The following PI4KB variants were observed in gnomAD, a reference collection of about 807,000 sequenced individuals.
PI4KB encodes the protein PtdIns 4-kinase beta.
A neutral mutation model predicts 81.4 loss-of-function variants in PI4KB; 23 were observed. The ratio of observed to expected loss-of-function variants is 0.28; its 90% confidence interval spans 0.20 to 0.40. The LOEUF (loss-of-function observed/expected upper bound fraction) is 0.40, where lower values mean the gene tolerates loss of function less well. Among genes scored for constraint, PI4KB ranks in the 10% least tolerant of loss-of-function variants. The pLI, the probability that PI4KB is intolerant of heterozygous loss-of-function variation, is 1.00. For synonymous variants in PI4KB, 381 were observed against 406.8 expected (o/e 0.94, Z 0.76); for missense variants, 651 against 1,036.6 (o/e 0.63, Z 5.11).
chr1:151,292,825 C>T lies in PI4KB; in HGVS notation c.*27G>A. ...CCTCTAGGGAGGGTGCCCTGGACCC[C>T]CCACCACTCCTGGGCTGAGGAGCGT... On this transcript the variant is annotated 3_prime_UTR_variant, in exon 12 of 12. Coordinates refer to ENST00000368873, the MANE Select transcript of PI4KB (RefSeq NM_001369623.2). 2 of 1,607,662 alleles carry T rather than the reference C, an allele frequency of 1.2e-6. No homozygotes were observed. The highest frequency in any genetic ancestry group is 1.7e-6 in the Non-Finnish European group (2 of 1,175,756).
intron 1 of PI4KB, among the ~76,000 whole-genome samples, chr1:151,317,025 C>A (rs982943509): frequency 6.6e-6 from 1 of 152,108 alleles, no homozygotes; most frequent in Non-Finnish European, 1.5e-5. Context: ...CACGGTTTCA[C>A]CATGTTAGCC....
intron 2 of PI4KB, among the ~76,000 whole-genome samples, chr1:151,312,300 A>G (rs1037494346): frequency 3.9e-5 from 6 of 152,196 alleles, no homozygotes; most frequent in Non-Finnish European, 7.3e-5. Flanking sequence ...TACTGGTGGT[A>G]GGAGCATAGT....
rs1002313479 is a variant in PI4KB at position 151,296,318 on chromosome 1, GGCAGGGTGGAATGAGC to G, written c.2016-1793_2016-1778del. On this transcript the variant is annotated intron_variant, in intron 9 of 11. Coordinates refer to ENST00000368873, the MANE Select transcript of PI4KB (RefSeq NM_001369623.2). ...AGAGCCTGGGTCCATTTGTAGGGCTGGCAGGGTGGAATGAGCGCAGGGTGGAATGAGCACAGGGTCT... is the reference window on the plus strand; with the variant it reads ...AGAGCCTGGGTCCATTTGTAGGGCTGGCAGGGTGGAATGAGCACAGGGTCT... 7.2e-5 allele frequency among the ~76,000 whole-genome samples: 11 copies of G among 152,196 alleles called. No homozygotes were observed. The South Asian group carries it at 1.4e-3, about 20-fold the overall frequency.
At chr1:151,302,493 A>G (rs1263085047) in intron 6 of PI4KB, among the ~76,000 whole-genome samples, 195 bp from the exon 7 acceptor site, 1 of 152,146 alleles carries the variant, frequency 6.6e-6, no homozygotes, top group Non-Finnish European at 1.5e-5. Flanking sequence ...TGTTAAAATT[A>G]AGATTACCAG....
In PI4KB at chr1:151,292,157, CAAAAATT is replaced by C. The variant is rs940012184; in HGVS notation, c.*688_*694del. 1.3e-5 allele frequency: 2 copies of C among 152,330 alleles called. No homozygotes were observed. Among genetic ancestry groups the C allele is most frequent in the African/African-American group, 4.8e-5 (2 of 41,444 alleles). 9.4% of individuals were successfully genotyped at this position (152,330 alleles called of 1,614,324 possible). ...GGCTAACTAAGGACTTTATTTCAAA[CAAAAATT>C]AAAAATAAAAAATTGAGAGCTCTTT... On this transcript the variant is annotated 3_prime_UTR_variant, in exon 12 of 12. Transcript: ENST00000368873.
chr1:151,320,390 C>T (rs1448271394), intron 1 of PI4KB, among the ~76,000 whole-genome samples: 2 of 152,192 alleles, frequency 1.3e-5, no homozygotes, highest in East Asian at 3.8e-4. Flanking sequence ...TCCCAGCAGT[C>T]ACCACTAAAG....
Position 151,303,542 on chromosome 1 carries a change from G to C in PI4KB, c.1519C>G (p.Arg507Gly). The C allele has an allele frequency of 6.3e-7, 1 of 1,594,170 alleles. No homozygotes were observed. The highest frequency in any genetic ancestry group is 8.6e-7 in the Non-Finnish European group (1 of 1,161,860). Residue 507 changes from arginine (R) to glycine (G), a missense_variant and splice_region_variant, in exon 6 of 12, where the codon CGC becomes GGC. Transcript: ENST00000368873. ...EPVFIAAGDIRRRLSEQLAHT... is the reference protein window; with the variant it reads ...EPVFIAAGDIGRRLSEQLAHT... ...AGGGGCAATGTGATCTGGCCATACC[G>C]GATGTCCCCTGCTGCAATGAACACA...
chr1:151,297,210 T>C (rs751041275), intron 9 of PI4KB, among the ~76,000 whole-genome samples: 1 of 152,148 alleles, frequency 6.6e-6, no homozygotes, highest in Admixed American at 6.6e-5. Flanking sequence ...GCCTCCAAAG[T>C]AGCTGGGACC....
Position 151,318,209 on chromosome 1 carries a change from G to A in PI4KB, c.-28-1700C>T, listed in dbSNP as rs979458951. ...CGAGGTGGGCAGATCACGAGGTCAAGAGATCGAGACCATCCTGGCCAACAT... is the reference window on the plus strand; with the variant it reads ...CGAGGTGGGCAGATCACGAGGTCAAAAGATCGAGACCATCCTGGCCAACAT... On this transcript the variant is annotated intron_variant, in intron 1 of 11. Transcript: ENST00000368873. 9.5e-5 allele frequency among the ~76,000 whole-genome samples: 14 copies of A among 147,872 alleles called. 1 individual carries two copies. The highest frequency in any genetic ancestry group is 3.5e-4 in the African/African-American group (14 of 39,954).
chr1:151,293,083 T>G (rs764007427), intron 11 of PI4KB, 50 bp from the exon 12 acceptor site: 44 of 1,599,218 alleles, frequency 2.8e-5, no homozygotes, highest in Non-Finnish European at 1.7e-6. Context: ...GGAGGGGCAG[T>G]GGTGTCAGCC....
intron 3 of PI4KB, among the ~76,000 whole-genome samples, chr1:151,308,018 G>A (rs1695929434): frequency 6.6e-6 from 1 of 152,184 alleles, no homozygotes; most frequent in South Asian, 2.1e-4. Context: ...GCTATCCCTT[G>A]AGGGTAAGGG....
At chr1:151,297,180 C>T (rs931521756) in intron 9 of PI4KB, among the ~76,000 whole-genome samples, 1 of 152,076 alleles carries the variant, frequency 6.6e-6, no homozygotes, top group Non-Finnish European at 1.5e-5. Context: ...ACCTCCTGCT[C>T]AAGTGATCCT....
In PI4KB at chr1:151,313,025, A is replaced by AGGGC. The variant is rs1036960070; in HGVS notation, c.909+2544_909+2547dup. Among the ~76,000 whole-genome samples, 4 of 152,002 alleles carry AGGGC rather than the reference A, an allele frequency of 2.6e-5. No individual in the cohort carries two copies. The East Asian group carries it at 5.8e-4, about 22-fold the overall frequency. ...AGAGCAAGACCCTGTTGCAAGAAAAAGGGCGGACGGACAGACAGACGGGTG... is the reference window on the plus strand; with the variant it reads ...AGAGCAAGACCCTGTTGCAAGAAAAAGGGCGGGCGGACGGACAGACAGACGGGTG... On this transcript the variant is annotated intron_variant, in intron 2 of 11. Transcript: ENST00000368873.
At position 151,305,120 on chromosome 1, in the gene PI4KB, G is replaced by A. The variant is rs190402180; in HGVS notation, c.1410+1016C>T. Among the ~76,000 whole-genome samples, 671 of 152,110 alleles carry A rather than the reference G, an allele frequency of 4.4e-3. 6 individuals are homozygous for A. Among genetic ancestry groups the A allele is most frequent in the Middle Eastern group, 0.014 (4 of 294 alleles). Reference sequence around the variant, plus strand: ...GCTGGGATTACAGGCGTGCGCCACCGCACCCGGCATAATTTTTCTAGTTTT... The same window carrying A: ...GCTGGGATTACAGGCGTGCGCCACCACACCCGGCATAATTTTTCTAGTTTT... On this transcript the variant is annotated intron_variant, in intron 5 of 11. Coordinates refer to ENST00000368873, the MANE Select transcript of PI4KB (RefSeq NM_001369623.2).
rs1243812523 is a variant in PI4KB, at chr1:151,310,152, G to T, written c.954+59C>A. ...TGGGGGCTCAGAAGACCTGGGGACG[G>T]AGAGGAAATGCGGCCACTGGGGGAG... On this transcript the variant is annotated intron_variant, in intron 3 of 11. Transcript: ENST00000368873. The T allele has an allele frequency of 7.2e-6, 9 of 1,251,918 alleles. No individual in the cohort carries two copies. In the African/African-American group the frequency reaches 1.2e-4, roughly 16 times the overall value. The allele number at this position is 1,251,918 out of a possible 1,614,324, so 77.6% of individuals were successfully genotyped here.
At position 151,316,443 on chromosome 1, in the gene PI4KB, TG is replaced by T; in HGVS notation, c.38del (p.Pro13GlnfsTer18). The T allele has an allele frequency of 6.4e-7, 1 of 1,564,464 alleles. No individual in the cohort carries two copies. The highest frequency in any genetic ancestry group is 8.6e-7 in the Non-Finnish European group (1 of 1,156,574). On this transcript the variant is annotated frameshift_variant, in exon 2 of 12. Coordinates refer to ENST00000368873, the MANE Select transcript of PI4KB (RefSeq NM_001369623.2). LOFTEE classifies it high-confidence loss of function. ...DTVVEPAPLK[P>X]TSEPTSGPPG... is the part of the protein sequence containing the mutation. ...GTGGGCCAGAAGTGGGCTCAGAAGT[TG>T]GCTTCAAGGGGGCAGGCTCCACTAC...
chr1:151,306,389 G>A (rs765879690), intron 4 of PI4KB, 26 bp from the exon 5 acceptor site: 2 of 1,465,868 alleles, frequency 1.4e-6, no homozygotes, highest in Non-Finnish European at 1.9e-6. Flanking sequence ...GACAGTATTT[G>A]CAACTTACTT....
At chr1:151,300,405 G>A (rs1369117290) in intron 8 of PI4KB, among the ~76,000 whole-genome samples, 3 of 152,126 alleles carry the variant, frequency 2.0e-5, no homozygotes, top group Admixed American at 6.6e-5. Context: ...TCGGGAGTTC[G>A]AGACCAGCCT....
At position 151,327,279 on chromosome 1, in the gene PI4KB, G is replaced by A. The variant is rs925930907; in HGVS notation, c.-37C>T. ...AAGGAGGAGTAGCTTACCTCTGGGGGACCCCCGCGGAGGGGGTGCGGGCAG... is the reference window on the plus strand; with the variant it reads ...AAGGAGGAGTAGCTTACCTCTGGGGAACCCCCGCGGAGGGGGTGCGGGCAG... On this transcript the variant is annotated 5_prime_UTR_variant, in exon 1 of 12. Transcript: ENST00000368873. The A allele has an allele frequency of 5.1e-6, 2 of 391,766 alleles. No individual in the cohort carries two copies. The highest frequency in any genetic ancestry group is 9.0e-6 in the Non-Finnish European group (2 of 222,106). 24.3% of individuals were successfully genotyped at this position (391,766 alleles called of 1,614,324 possible). A position where few individuals can be genotyped will look rare whatever the true frequency, so the allele number is the denominator to read the frequency against.
Sources: allele counts gnomAD v4.1 joint callset (sites outside exome capture counted in the v4.1 genomes callset), GRCh38; gene constraint gnomAD v4.1.1; transcripts MANE v1.5; gene names NCBI Gene and HGNC (gene_info 2026-07-23, HGNC 2026-07-21).